STARD9: variants seen among roughly 807,000 people sequenced by gnomAD.
STARD9 encodes StAR related lipid transfer domain containing 9, also known as stAR-related lipid transfer protein 9.
STARD9 carries 346 observed loss-of-function variants against 399.8 expected under a neutral mutation model. The ratio of observed to expected loss-of-function variants is 0.87; its 90% CI spans 0.79 to 0.95. The LOEUF is 0.95. Among genes scored for constraint, STARD9 ranks in the 40% least tolerant of loss-of-function variants. STARD9 has a pLI of 0.00. For synonymous variants in STARD9, 2,203 were observed against 2,143.5 expected (o/e 1.03, Z -0.77); for missense variants, 5,832 against 5,667.5 (o/e 1.03, Z -0.93).
At chr15:42,591,839 T>C (rs1019104912) in intron 3 of STARD9, among the ~76,000 whole-genome samples, 12 of 152,252 alleles carry the variant, frequency 7.9e-5, no homozygotes, top group African/African-American at 2.9e-4. Context: ...ATTTGTTAAA[T>C]GCCTATTGAT....
chr15:42,633,792 G>A (rs1015008441), intron 3 of STARD9, among the ~76,000 whole-genome samples: 3 of 151,780 alleles, frequency 2.0e-5, no homozygotes, highest in Admixed American at 2.0e-4. Flanking sequence ...ATAGGTGCCC[G>A]CCACCATGCC....
intron 15 of STARD9, among the ~76,000 whole-genome samples, chr15:42,666,610 A>G (rs1018778672): frequency 1.3e-5 from 2 of 152,190 alleles, no homozygotes; most frequent in Non-Finnish European, 2.9e-5. Flanking sequence ...AACAGGATTA[A>G]TAGCTTCTTG....
chr15:42,583,207 T>A (rs1181925908), intron 1 of STARD9, 139 bp from the exon 2 acceptor site: 2 of 619,082 alleles, frequency 3.2e-6, no homozygotes, highest in African/African-American at 1.8e-5. Flanking sequence ...ATGCGACGCT[T>A]ATAGCCATTT....
Position 42,684,471 on chromosome 15 carries a change from C to T in STARD9, c.2893C>T (p.Pro965Ser). 1 of 1,537,220 alleles carries T rather than the reference C, an allele frequency of 6.5e-7. No homozygotes were observed. The highest frequency in any genetic ancestry group is 8.7e-7 in the Non-Finnish European group (1 of 1,146,892). Residue 965 changes from proline (P) to serine (S), a missense_variant, in exon 23 of 33, where the codon CCA (proline) becomes TCA (serine). Physicochemically the swap from Pro to Ser is moderately conservative, Grantham distance 74 (BLOSUM62 -1). Coordinates refer to ENST00000290607, the MANE Select transcript of STARD9 (RefSeq NM_020759.3). ...TAACAAACTAAAGCCAAGGCATGAG[C>T]CAAAGATCTTCACCTCTACTACCCA... ...SANKLKPRHEPKIFTSTTQTR... is the reference protein window; with the variant it reads ...SANKLKPRHESKIFTSTTQTR...
chr15:42,586,155 A>G (rs1009260169), intron 3 of STARD9, among the ~76,000 whole-genome samples: 1 of 152,230 alleles, frequency 6.6e-6, no homozygotes, highest in South Asian at 2.1e-4. Context: ...AAGTTAGCTC[A>G]GGTAGTGTTC....
At chr15:42,675,834 A>T (rs2140170864) in intron 19 of STARD9, 38 bp from the exon 20 acceptor site, 2 of 1,535,190 alleles carry the variant, frequency 1.3e-6, no homozygotes, top group Non-Finnish European at 1.7e-6. Flanking sequence ...GGTGGAGGCG[A>T]TGACAGCAGC....
In STARD9 at chr15:42,684,608, G is replaced by C. The variant is rs770482285; in HGVS notation, c.3030G>C (p.Leu1010Phe). Residue 1010 changes from leucine to phenylalanine, a missense_variant, in exon 23 of 33, where the codon TTG becomes TTC. Transcript: ENST00000290607. ...CTAAGGGAGCCAGTTGCAATTCCTT[G>C]TATCCTCATGGACCCAGGCAGACTG... ...KAAKGASCNSLYPHGPRQTAG... is the reference protein window; with the variant it reads ...KAAKGASCNSFYPHGPRQTAG... 6.5e-7 allele frequency: 1 copy of C among 1,537,224 alleles called. No individual in the cohort carries two copies. Among genetic ancestry groups the C allele is most frequent in the Non-Finnish European group, 8.7e-7 (1 of 1,146,906 alleles).
intron 26 of STARD9, among the ~76,000 whole-genome samples, chr15:42,698,389 A>G (rs1256111844): frequency 6.6e-6 from 1 of 152,174 alleles, no homozygotes. Flanking sequence ...TCTCACCAAC[A>G]TGTTATCAAA....
At chr15:42,601,245 G>C (rs926060619) in intron 3 of STARD9, among the ~76,000 whole-genome samples, 23 of 152,136 alleles carry the variant, frequency 1.5e-4, no homozygotes, top group Non-Finnish European at 3.1e-4. Context: ...GAACAAAATG[G>C]AGTCTCCTAT....
In STARD9 at chr15:42,638,714, A is replaced by G. The variant is rs201178800; in HGVS notation, c.461A>G (p.Tyr154Cys). ...CTTAACTCTAGTTTTCTAGAAATCT[A>G]TAATGAACGGGTGCGGGATCTGTTG... ...CRIKVSFLEIYNERVRDLLKQ... is the reference protein window; with the variant it reads ...CRIKVSFLEICNERVRDLLKQ... Residue 154 changes from tyrosine to cysteine, a missense_variant, in exon 7 of 33, where the codon TAT (tyrosine) becomes TGT (cysteine). Transcript: ENST00000290607. 5 of 1,535,250 alleles carry G rather than the reference A, an allele frequency of 3.3e-6. No individual in the cohort carries two copies. In the South Asian group the frequency reaches 4.8e-5, roughly 15 times the overall value.
In STARD9 at chr15:42,686,027, T is replaced by C. The variant is rs779358683; in HGVS notation, c.4449T>C (p.Asp1483=). The change falls in exon 23 of 33, where the codon GAT becomes GAC. Residue 1483 remains aspartate, a synonymous_variant. Coordinates refer to ENST00000290607, the MANE Select transcript of STARD9 (RefSeq NM_020759.3). ...ATGTAGGCAGCACCCATGAAAGGGA[T>C]TGGTCTGCCCTTCAGCAGAAGTACC... ...LTHVGSTHER[D]WSALQQKYLL... The C allele has an allele frequency of 1.3e-6, 2 of 1,537,312 alleles. No individual in the cohort carries two copies. The highest frequency in any genetic ancestry group is 2.4e-5 in the South Asian group (2 of 84,062).
chr15:42,685,407 C>G lies in STARD9; in HGVS notation c.3829C>G (p.Leu1277Val). 2 of 1,537,262 alleles carry G rather than the reference C, an allele frequency of 1.3e-6. No homozygotes were observed. Among genetic ancestry groups the G allele is most frequent in the Non-Finnish European group, 1.7e-6 (2 of 1,146,926 alleles). Residue 1277 changes from leucine to valine, a missense_variant, in exon 23 of 33, where the codon CTT becomes GTT. By Grantham distance (32) the Leu-to-Val change is conservative. Coordinates refer to ENST00000290607, the MANE Select transcript of STARD9 (RefSeq NM_020759.3). ...AVLPMSSSFYLDPQFQPHCEL... is the reference protein window; with the variant it reads ...AVLPMSSSFYVDPQFQPHCEL... ...CCTGCCAATGAGCAGTTCGTTTTAC[C>G]TTGATCCTCAGTTCCAACCCCATTG...
At position 42,688,321 on chromosome 15, in the gene STARD9, CTG is replaced by C. The variant is rs770450255; in HGVS notation, c.6746_6747del (p.Val2249GlufsTer10). ...TTAGGAAGTCTTGAGGAATTGGAGACTGTGAAAGGTTTTCAGGAAAGCCAAGT... is the reference window on the plus strand; with the variant it reads ...TTAGGAAGTCTTGAGGAATTGGAGACTGAAAGGTTTTCAGGAAAGCCAAGT... On this transcript the variant is annotated frameshift_variant, in exon 23 of 33. Coordinates refer to ENST00000290607, the MANE Select transcript of STARD9 (RefSeq NM_020759.3). LOFTEE classifies it high-confidence loss of function. The C allele has an allele frequency of 6.5e-6, 10 of 1,537,398 alleles. No individual in the cohort carries two copies. The highest frequency in any genetic ancestry group is 1.2e-5 in the South Asian group (1 of 84,060).
At chr15:42,641,184 C>T (rs200206924) in intron 7 of STARD9, among the ~76,000 whole-genome samples, 1 of 152,124 alleles carries the variant, frequency 6.6e-6, no homozygotes, top group Non-Finnish European at 1.5e-5. Flanking sequence ...TCTCAGGGTT[C>T]ATGGTGCAAA....
chr15:42,676,153 G>A (rs955368350), intron 20 of STARD9, among the ~76,000 whole-genome samples, 178 bp downstream of exon 20: 5 of 152,150 alleles, frequency 3.3e-5, no homozygotes, highest in Non-Finnish European at 7.4e-5. Context: ...TGCTAAGTTC[G>A]TAGTTGGCAG....
In STARD9 at chr15:42,661,126, A is replaced by G. The variant is rs900550842; in HGVS notation, c.703-32A>G. 5.4e-6 allele frequency: 8 copies of G among 1,487,628 alleles called. No individual in the cohort carries two copies. In the South Asian group the frequency reaches 9.6e-5, roughly 18 times the overall value. The allele number at this position is 1,487,628 out of a possible 1,614,324, so 92.2% of individuals were successfully genotyped here. A position where few individuals can be genotyped will look rare whatever the true frequency, so the allele number is the denominator to read the frequency against. The stretch of plus-strand genomic sequence containing the variant: ...AGGGGAAAACAATACAAATCGTTCC[A>G]AATGACAGGCTTTAAATGTTTTCTC... On this transcript the variant is annotated intron_variant, in intron 9 of 32. Transcript: ENST00000290607.
At chr15:42,646,022 G>A (rs914526516) in intron 7 of STARD9, among the ~76,000 whole-genome samples, 22 of 151,998 alleles carry the variant, frequency 1.4e-4, no homozygotes, top group African/African-American at 5.3e-4. Context: ...TTAGCCAGAC[G>A]TGGTGGCTGG....
At chr15:42,666,129 A>G (rs1431979028) in intron 15 of STARD9, among the ~76,000 whole-genome samples, 2 of 152,250 alleles carry the variant, frequency 1.3e-5, no homozygotes, top group Non-Finnish European at 1.5e-5. Context: ...AAATCAGTCA[A>G]CCAAGATGTA....
At chr15:42,626,801 C>T (rs1000321060) in intron 3 of STARD9, among the ~76,000 whole-genome samples, 28 of 151,666 alleles carry the variant, frequency 1.8e-4, no homozygotes, top group African/African-American at 4.6e-4. Context: ...TGTGAGCCAC[C>T]GCGCCTGGCC....
Sources: gnomAD v4.1 joint callset for allele counts (sites outside exome capture counted in the v4.1 genomes callset) on GRCh38, gnomAD v4.1.1 for gene constraint, MANE v1.5 for transcripts, NCBI Gene and HGNC (gene_info 2026-07-23, HGNC 2026-07-21) for gene names.